The following PFDN4 variants were observed in gnomAD, a reference collection of about 807,000 sequenced individuals.
The protein encoded by PFDN4 is prefoldin 4.
In PFDN4, 6 loss-of-function variants were observed where a neutral mutation model predicts 17.6. The observed-to-expected ratio is 0.34, with a 90% CI of 0.19 to 0.67. The LOEUF is 0.67. Ranked by LOEUF, PFDN4 falls within the 30% of genes least tolerant of loss-of-function variation. The probability of loss-of-function intolerance (pLI) is 0.68; values close to 1 mark genes in which losing one functional copy is unlikely to be tolerated. For missense variants in PFDN4, 119 were observed against 158.4 expected, an observed-to-expected ratio of 0.75 and a Z score of 1.33; for synonymous variants, 48 against 51.1, an observed-to-expected ratio of 0.94 and a Z score of 0.26.
Position 54,219,128 on chromosome 20 carries a change from A to G in PFDN4, c.383A>G (p.Asn128Ser). 6.5e-7 allele frequency: 1 copy of G among 1,547,384 alleles called. No homozygotes were observed. The highest frequency in any genetic ancestry group is 8.7e-7 in the Non-Finnish European group (1 of 1,144,894). The part of the protein sequence containing the change: ...QLYAKFGSNI[N>S]LEADES Reference sequence around the variant, plus strand: ...TATGCAAAATTCGGGAGCAACATAAACCTTGAAGCTGATGAAAGTTAAACA... The same window carrying G: ...TATGCAAAATTCGGGAGCAACATAAGCCTTGAAGCTGATGAAAGTTAAACA... Residue 128 changes from asparagine (N) to serine (S), a missense_variant, in exon 4 of 4, where the codon AAC (asparagine) becomes AGC (serine). This residue lies in a region of PFDN4 where 81 missense variants were observed against 111.7 expected (regional missense o/e 0.73). Transcript: ENST00000371419.
rs1405407296 is a variant in PFDN4 at position 54,219,511 on chromosome 20, T to C, written c.*361T>C. 10 of 389,240 alleles carry C rather than the reference T, an allele frequency of 2.6e-5. No individual in the cohort carries two copies. Among genetic ancestry groups the C allele is most frequent in the Non-Finnish European group, 3.6e-5 (8 of 222,348 alleles). 24.1% of individuals were successfully genotyped at this position (389,240 alleles called of 1,614,324 possible). On this transcript the variant is annotated 3_prime_UTR_variant, in exon 4 of 4. Coordinates refer to ENST00000371419, the MANE Select transcript of PFDN4 (RefSeq NM_002623.4). ...GTTGTTTCTGTCTGATTTTAATTGC[T>C]GTCTAATGACGGGGAAAGCACGATG...
At chr20:54,211,747 C>A (rs1214146917) in intron 1 of PFDN4, among the ~76,000 whole-genome samples, 1 of 152,162 alleles carries the variant, frequency 6.6e-6, no homozygotes, top group Non-Finnish European at 1.5e-5. Context: ...GAGTTCCTAA[C>A]CTTTTGGGGT....
intron 1 of PFDN4, 84 bp downstream of exon 1, chr20:54,208,208 C>A (rs2146536578): frequency 7.8e-7 from 1 of 1,282,086 alleles, no homozygotes; most frequent in Non-Finnish European, 1.0e-6. Flanking sequence ...GCTGGGGGTG[C>A]GCAGCTCCGA....
intron 1 of PFDN4, among the ~76,000 whole-genome samples, chr20:54,211,358 G>A (rs1043357220): frequency 6.6e-6 from 1 of 152,148 alleles, no homozygotes; most frequent in Non-Finnish European, 1.5e-5. Context: ...TTTGGATCCC[G>A]AGCAGGCATA....
chr20:54,208,598 C>G (rs59783244), intron 1 of PFDN4: 6,483 of 156,644 alleles, frequency 0.041, 166 homozygotes, highest in Middle Eastern at 0.099. Context: ...GTCACCTGCC[C>G]GAGGTTACGC....
At chr20:54,208,412 A>C in intron 1 of PFDN4, 1 of 401,498 alleles carries the variant, frequency 2.5e-6, no homozygotes. Flanking sequence ...GGGGAGTCTG[A>C]GGAACCTGCA....
chr20:54,208,204 G>T, intron 1 of PFDN4, 80 bp downstream of exon 1: 1 of 1,319,810 alleles, frequency 7.6e-7, no homozygotes, highest in Non-Finnish European at 1.0e-6. Flanking sequence ...GGATGCTGGG[G>T]GTGCGCAGCT....
rs1343212377 is a variant in PFDN4, at chr20:54,219,603, T to C, written c.*453T>C. 2.5e-6 allele frequency: 1 copy of C among 393,408 alleles called. No homozygotes were observed. Among genetic ancestry groups the C allele is most frequent in the African/African-American group, 2.1e-5 (1 of 48,394 alleles). The allele number at this position is 393,408 out of a possible 1,614,324, so 24.4% of individuals were successfully genotyped here. ...AAGCTTTGTCATAGACTTCAAAATA[T>C]ATATGTATATATTTTATTTAAATAT... On this transcript the variant is annotated 3_prime_UTR_variant, in exon 4 of 4. Transcript: ENST00000371419.
chr20:54,211,668 T>G (rs1166887326), intron 1 of PFDN4, among the ~76,000 whole-genome samples: 1 of 152,174 alleles, frequency 6.6e-6, no homozygotes, highest in Non-Finnish European at 1.5e-5. Context: ...TCAGATACTA[T>G]AGGATATGAG....
chr20:54,214,445 T>C lies in PFDN4; in HGVS notation c.119T>C (p.Ile40Thr). The change falls in exon 2 of 4, where the codon ATA becomes ACA. Residue 40 changes from isoleucine (I) to threonine (T), a missense_variant. Ile to Thr is a moderately conservative substitution (Grantham distance 89, BLOSUM62 -1). This residue lies in a region of PFDN4 where 81 missense variants were observed against 111.7 expected (regional missense o/e 0.73). Transcript: ENST00000371419. ...TSRITELKEE[I>T]EVKKKQLQNL... ...AGAATCACAGAGCTGAAGGAAGAAA[T>C]AGAAGTAAAAAAGGTATTGAAAATA... 2.6e-6 allele frequency: 4 copies of C among 1,520,334 alleles called. No homozygotes were observed. The highest frequency in any genetic ancestry group is 3.6e-6 in the Non-Finnish European group (4 of 1,109,142). The allele number at this position is 1,520,334 out of a possible 1,614,324, so 94.2% of individuals were successfully genotyped here.
intron 3 of PFDN4, among the ~76,000 whole-genome samples, chr20:54,218,649 G>T (rs1049100505): frequency 2.0e-5 from 3 of 152,182 alleles, no homozygotes; most frequent in African/African-American, 7.2e-5. Flanking sequence ...ATCATTTCCT[G>T]TAGTCTCATA....
rs143896761 is a variant in PFDN4, at chr20:54,208,628, A to G, written c.24+504A>G. On this transcript the variant is annotated intron_variant, in intron 1 of 3. Transcript: ENST00000371419. Reference sequence around the variant, plus strand: ...TTACGCAGCTCATAACGGGGACAGCAGGTTCCTGCATCCCCAGATTAGCAG... The same window carrying G: ...TTACGCAGCTCATAACGGGGACAGCGGGTTCCTGCATCCCCAGATTAGCAG... 666 of 152,958 alleles carry G rather than the reference A, an allele frequency of 4.4e-3. 7 individuals are homozygous for G. Among genetic ancestry groups the G allele is most frequent in the African/African-American group, 0.015 (635 of 41,016 alleles). 9.5% of individuals were successfully genotyped at this position (152,958 alleles called of 1,614,324 possible).
At chr20:54,208,278 C>G (rs1568674357) in intron 1 of PFDN4, 154 bp downstream of exon 1, 1 of 603,616 alleles carries the variant, frequency 1.7e-6, no homozygotes, top group Non-Finnish European at 2.6e-6. Context: ...GCGGCAAGGC[C>G]TGCTCGCGCC....
At chr20:54,214,266 T>A in intron 1 of PFDN4, 85 bp from the exon 2 acceptor site, 1 of 710,528 alleles carries the variant, frequency 1.4e-6, no homozygotes, top group Middle Eastern at 3.8e-4. Flanking sequence ...TGCAAATGGC[T>A]TATTGAGTTA....
rs1259905196 is a variant in PFDN4, at chr20:54,208,856, G to C, written c.24+732G>C. On this transcript the variant is annotated intron_variant, in intron 1 of 3. Coordinates refer to ENST00000371419, the MANE Select transcript of PFDN4 (RefSeq NM_002623.4). ...GCAGGTAGAGAAACTTAGACACAGA[G>C]CAGTTAGAGGCCCTAAAGTGACTCA... The C allele has an allele frequency of 2.6e-5, 4 of 152,348 alleles. No homozygotes were observed. In the East Asian group the frequency reaches 7.7e-4, roughly 29 times the overall value. 9.4% of individuals were successfully genotyped at this position (152,348 alleles called of 1,614,324 possible).
At chr20:54,213,622 C>A (rs1256210704) in intron 1 of PFDN4, among the ~76,000 whole-genome samples, 1 of 152,164 alleles carries the variant, frequency 6.6e-6, no homozygotes, top group East Asian at 1.9e-4. Context: ...AGATGGATTG[C>A]AGGATTAGCA....
At chr20:54,218,328 ATTTTC>A (rs971469166) in intron 3 of PFDN4, among the ~76,000 whole-genome samples, 2 of 151,830 alleles carry the variant, frequency 1.3e-5, no homozygotes, top group African/African-American at 4.8e-5. Context: ...TTGGAATTGT[ATTTTC>A]TTTTTTTTAA....
chr20:54,218,151 T>C (rs1242993138), intron 3 of PFDN4, among the ~76,000 whole-genome samples: 1 of 150,766 alleles, frequency 6.6e-6, no homozygotes, highest in African/African-American at 2.4e-5. Flanking sequence ...ATTGTTTTGA[T>C]CCTAGCCAGG....
At chr20:54,208,326 G>T in intron 1 of PFDN4, 5 of 458,014 alleles carry the variant, frequency 1.1e-5, no homozygotes. Flanking sequence ...CTGGCCAGCC[G>T]AGGCGGGGCG....
Sources: gnomAD v4.1 joint callset for allele counts (sites outside exome capture counted in the v4.1 genomes callset) on GRCh38, gnomAD v4.1.1 for gene constraint, gnomAD v4.1.1 regional missense constraint, MANE v1.5 for transcripts, NCBI Gene and HGNC (gene_info 2026-07-23, HGNC 2026-07-21) for gene names.